Variants in CFAP299 observed in about 807,000 individuals in gnomAD.
CFAP299 encodes the protein cilia and flagella associated protein 299, also known as cilia- and flagella-associated protein 299.
Under a neutral mutation model 27.0 loss-of-function variants are expected in CFAP299, and 21 were observed. That is an observed-to-expected ratio of 0.78 (90% confidence interval 0.55 to 1.12). The LOEUF (loss-of-function observed/expected upper bound fraction) is 1.12. Ranked by LOEUF, CFAP299 falls within the 50% of genes most tolerant of loss-of-function variation. The probability of loss-of-function intolerance (pLI) is 0.00; values close to 1 mark genes in which losing one functional copy is unlikely to be tolerated. For missense variants in CFAP299, 310 were observed against 276.6 expected, an observed-to-expected ratio of 1.12 and a Z score of -0.86; for synonymous variants, 104 against 98.1, an observed-to-expected ratio of 1.06 and a Z score of -0.36.
At chr4:80,457,036 A>ATT (rs1182315937) in intron 2 of CFAP299, among the ~76,000 whole-genome samples, 23 of 149,898 alleles carry the variant, frequency 1.5e-4, no homozygotes, top group African/African-American at 4.2e-4. Flanking sequence ...TAGTGGTAAT[A>ATT]TTTATATTAT....
intron 3 of CFAP299, among the ~76,000 whole-genome samples, chr4:80,683,605 G>A (rs900908787): frequency 2.0e-5 from 3 of 152,078 alleles, no homozygotes; most frequent in Non-Finnish European, 4.4e-5. Context: ...AAGTTGGTGT[G>A]TTCCATATGT....
intron 3 of CFAP299, among the ~76,000 whole-genome samples, chr4:80,723,787 CAAAGAAACCTAGATAA>C (rs1234274989): frequency 2.0e-5 from 3 of 151,042 alleles, no homozygotes; most frequent in African/African-American, 7.3e-5. Flanking sequence ...ATATCTATAC[CAAAGAAACCTAGATAA>C]AAAGGGAGGA....
At chr4:80,747,018 G>T (rs190088808) in intron 3 of CFAP299, among the ~76,000 whole-genome samples, 117 of 152,056 alleles carry the variant, frequency 7.7e-4, no homozygotes, top group African/African-American at 2.6e-3. Context: ...TGGAAATTGG[G>T]CTCTGAACCC....
intron 3 of CFAP299, among the ~76,000 whole-genome samples, chr4:80,852,828 A>T (rs1401447795): frequency 6.6e-6 from 1 of 152,168 alleles, no homozygotes; most frequent in African/African-American, 2.4e-5. Flanking sequence ...CCAACTAGTT[A>T]TTCTATTCTA....
chr4:80,615,582 G>C (rs1738228883), intron 3 of CFAP299, among the ~76,000 whole-genome samples: 1 of 151,502 alleles, frequency 6.6e-6, no homozygotes, highest in Non-Finnish European at 1.5e-5. Context: ...ACCCAGGCTG[G>C]AGTTCAGTGG....
chr4:80,863,862 C>T (rs552085498), intron 3 of CFAP299, among the ~76,000 whole-genome samples: 12 of 151,992 alleles, frequency 7.9e-5, no homozygotes, highest in Admixed American at 3.3e-4. Flanking sequence ...TATAAAGTAT[C>T]GTTTTCATGT....
At chr4:80,916,293 A>ATATT (rs1196946898) in intron 4 of CFAP299, among the ~76,000 whole-genome samples, 1 of 126,646 alleles carries the variant, frequency 7.9e-6, no homozygotes, top group Non-Finnish European at 1.6e-5. Flanking sequence ...ATATATATAT[A>ATATT]TATTTCAGGT....
intron 3 of CFAP299, among the ~76,000 whole-genome samples, chr4:80,660,156 G>GATAGT (rs1438159923): frequency 7.2e-5 from 11 of 152,092 alleles, no homozygotes; most frequent in Non-Finnish European, 1.6e-4. Flanking sequence ...GAGGAATATG[G>GATAGT]ATAGTAGAAC....
chr4:80,846,247 T>C (rs942304879), intron 3 of CFAP299, among the ~76,000 whole-genome samples: 4 of 152,150 alleles, frequency 2.6e-5, no homozygotes, highest in Admixed American at 6.6e-5. Flanking sequence ...AATCCTCCAA[T>C]GAGATGAGTT....
At chr4:80,388,456 C>T (rs539999638) in intron 2 of CFAP299, 18 of 982,846 alleles carry the variant, frequency 1.8e-5, no homozygotes, top group East Asian at 1.2e-4. Context: ...TGGTGACCAG[C>T]GAGACTGTGT....
intron 3 of CFAP299, among the ~76,000 whole-genome samples, chr4:80,843,851 G>A (rs888421017): frequency 2.0e-5 from 3 of 151,936 alleles, no homozygotes; most frequent in South Asian, 2.1e-4. Flanking sequence ...ATGTTGGTGC[G>A]CCGCACCCAT....
intron 3 of CFAP299, among the ~76,000 whole-genome samples, chr4:80,708,317 T>C (rs533979149): frequency 6.6e-6 from 1 of 152,206 alleles, no homozygotes; most frequent in South Asian, 2.1e-4. Context: ...ACCACCTAGA[T>C]AAGAGTTTAA....
intron 3 of CFAP299, among the ~76,000 whole-genome samples, chr4:80,762,070 TG>T (rs1725570259): frequency 6.6e-6 from 1 of 151,902 alleles, no homozygotes; most frequent in African/African-American, 2.4e-5. Flanking sequence ...CAACAGGTAA[TG>T]GATTCTTTTA....
chr4:80,615,053 C>T (rs1051889548), intron 3 of CFAP299, among the ~76,000 whole-genome samples: 3 of 152,020 alleles, frequency 2.0e-5, no homozygotes, highest in Admixed American at 6.6e-5. Context: ...TGTCTTAAAA[C>T]TTCATTCATA....
intron 2 of CFAP299, among the ~76,000 whole-genome samples, chr4:80,368,473 AT>A (rs1264964438): frequency 1.3e-5 from 2 of 152,106 alleles, no homozygotes; most frequent in African/African-American, 4.8e-5. Context: ...ATCTCCTTCA[AT>A]TTGTTTTTAA....
intron 3 of CFAP299, among the ~76,000 whole-genome samples, chr4:80,784,983 C>T (rs1432562705): frequency 1.3e-5 from 2 of 152,058 alleles, no homozygotes; most frequent in East Asian, 1.9e-4. Flanking sequence ...AATATTTTTC[C>T]CAGTCCATAG....
At chr4:80,782,459 G>T (rs1378318705) in intron 3 of CFAP299, among the ~76,000 whole-genome samples, 1 of 148,120 alleles carries the variant, frequency 6.8e-6, no homozygotes, top group East Asian at 2.0e-4. Flanking sequence ...ATAGAGTGCT[G>T]ACTATATGGA....
At chr4:80,549,773 G>A (rs781156299) in intron 2 of CFAP299, among the ~76,000 whole-genome samples, 1 of 151,706 alleles carries the variant, frequency 6.6e-6, no homozygotes, top group Non-Finnish European at 1.5e-5. Flanking sequence ...TTTTTTATTC[G>A]ATTGAGCATA....
At chr4:80,687,026 A>G (rs1260285189) in intron 3 of CFAP299, among the ~76,000 whole-genome samples, 1 of 152,208 alleles carries the variant, frequency 6.6e-6, no homozygotes, top group Non-Finnish European at 1.5e-5. Context: ...CTTAGAAAAC[A>G]TTTTTGCCTG....
Sources: gnomAD v4.1 joint callset for allele counts (sites outside exome capture counted in the v4.1 genomes callset) on GRCh38, gnomAD v4.1.1 for gene constraint, MANE v1.5 for transcripts, NCBI Gene and HGNC (gene_info 2026-07-23, HGNC 2026-07-21) for gene names.